The following DNAH3 variants were observed in gnomAD, a reference collection of about 807,000 sequenced individuals.
DNAH3 encodes the protein dynein axonemal heavy chain 3, also known as axonemal beta dynein heavy chain 3.
A neutral mutation model predicts 432.5 loss-of-function variants in DNAH3; 332 were observed. That is an observed-to-expected ratio of 0.77 (90% CI 0.70 to 0.84). The LOEUF is 0.84. Ranked by LOEUF, DNAH3 falls within the 40% of genes least tolerant of loss-of-function variation. DNAH3 has a pLI of 0.00. For synonymous variants in DNAH3, 1,956 were observed against 1,900.2 expected (o/e 1.03, Z -0.76); for missense variants, 4,861 against 5,114.0 (o/e 0.95, Z 1.51).
chr16:21,036,810 T>C, exon 35 of DNAH3: 1 of 1,611,954 alleles, frequency 6.2e-7, no homozygotes, highest in South Asian at 1.1e-5. Flanking sequence ...AGTCTGGCTT[T>C]GGAAGAACAA....
chr16:21,082,844 TA>T (rs68183018), intron 19 of DNAH3, among the ~76,000 whole-genome samples: 80,511 of 148,570 alleles, frequency 0.54, 21,574 homozygotes, highest in South Asian at 0.63. Context: ...AAAAAAAAAT[TA>T]ACACAAATGG....
At chr16:21,156,224 ATTATT>A (rs1555579947) in intron 1 of DNAH3, among the ~76,000 whole-genome samples, 20 of 142,304 alleles carry the variant, frequency 1.4e-4, no homozygotes, top group Admixed American at 2.8e-4. Context: ...ATTTTATTTT[ATTATT>A]TTATTTTATT....
At chr16:20,937,476 G>A (rs1322062654) in intron 59 of DNAH3, among the ~76,000 whole-genome samples, 1 of 150,894 alleles carries the variant, frequency 6.6e-6, no homozygotes, top group Non-Finnish European at 1.5e-5. Context: ...ATATTTCTAG[G>A]TCAAAGAGCA....
At chr16:21,026,631 G>A (rs1320780795) in intron 38 of DNAH3, among the ~76,000 whole-genome samples, 1 of 147,574 alleles carries the variant, frequency 6.8e-6, no homozygotes, top group Non-Finnish European at 1.5e-5. Context: ...AACCTGGGAG[G>A]CAGAGGTTGC....
intron 51 of DNAH3, among the ~76,000 whole-genome samples, chr16:20,970,882 T>G (rs1436492505): frequency 7.2e-6 from 1 of 138,972 alleles, no homozygotes; most frequent in Admixed American, 7.5e-5. Flanking sequence ...TTTTTTTTTT[T>G]GAGACAGAGT....
chr16:20,991,608 CCT>C (rs1298972883), intron 44 of DNAH3, among the ~76,000 whole-genome samples: 3 of 152,078 alleles, frequency 2.0e-5, no homozygotes, highest in Non-Finnish European at 4.4e-5. Flanking sequence ...TAGTTTTTTC[CCT>C]CCATTCCTTT....
At chr16:20,957,788 T>A (rs1211381433) in intron 54 of DNAH3, among the ~76,000 whole-genome samples, 1 of 72,890 alleles carries the variant, frequency 1.4e-5, no homozygotes, top group African/African-American at 5.2e-5. Context: ...GCCTGGGCAA[T>A]AAGAGCGAAA....
rs576713067 is a variant in DNAH3 at position 20,988,026 on chromosome 16, G to A, written c.6641C>T (p.Ala2214Val). The change falls in exon 45 of 62, where the codon GCC (alanine) becomes GTC (valine). Residue 2214 changes from alanine (A) to valine (V), a missense_variant. By Grantham distance (64) the Ala-to-Val change is moderately conservative. Coordinates refer to ENST00000261383, the Ensembl canonical transcript of DNAH3. ...CTTGGTTAAAATGTCATCCTCAAAG[G>A]CATTGATGGAAATGATATTCAGATG... 9 of 1,614,094 alleles carry A rather than the reference G, an allele frequency of 5.6e-6. No individual in the cohort carries two copies. The East Asian group carries it at 1.8e-4, about 32-fold the overall frequency.
At chr16:21,083,281 G>A (rs1379693532) in intron 19 of DNAH3, among the ~76,000 whole-genome samples, 2 of 152,172 alleles carry the variant, frequency 1.3e-5, no homozygotes, top group East Asian at 1.9e-4. Context: ...CTCCCAAAGT[G>A]TTGGGATTAC....
chr16:21,107,281 C>T (rs1248691932), intron 14 of DNAH3, among the ~76,000 whole-genome samples: 2 of 124,940 alleles, frequency 1.6e-5, no homozygotes, highest in Non-Finnish European at 3.2e-5. Context: ...CTTGCTCTGT[C>T]ACCCAGGCTG....
At chr16:20,933,368 A>C (rs763749692) in exon 62 of DNAH3, 1 of 1,614,214 alleles carries the variant, frequency 6.2e-7, no homozygotes, top group Admixed American at 1.7e-5. Context: ...AATGATGGGC[A>C]GTGGGTCATA....
At chr16:21,153,677 A>G (rs1368010109) in intron 1 of DNAH3, among the ~76,000 whole-genome samples, 1 of 152,120 alleles carries the variant, frequency 6.6e-6, no homozygotes, top group Non-Finnish European at 1.5e-5. Context: ...GCGAGACCAG[A>G]AACCCACCAG....
chr16:20,973,080 C>T (rs1178380526), intron 51 of DNAH3, among the ~76,000 whole-genome samples: 1 of 151,950 alleles, frequency 6.6e-6, no homozygotes, highest in Non-Finnish European at 1.5e-5. Context: ...TAATCAAGCC[C>T]TTGTTTGAAG....
chr16:21,040,157 T>A (rs1477783567), intron 32 of DNAH3, among the ~76,000 whole-genome samples: 1 of 151,976 alleles, frequency 6.6e-6, no homozygotes, highest in Non-Finnish European at 1.5e-5. Flanking sequence ...CCTATGCGGG[T>A]ACATGTTGTT....
chr16:21,042,730 T>G (rs951442344), intron 31 of DNAH3, among the ~76,000 whole-genome samples: 4 of 152,148 alleles, frequency 2.6e-5, no homozygotes, highest in Non-Finnish European at 5.9e-5. Flanking sequence ...ATTGTGCAGG[T>G]TACATATATA....
At chr16:21,133,322 C>T (rs1471495737) in intron 7 of DNAH3, among the ~76,000 whole-genome samples, 1 of 141,914 alleles carries the variant, frequency 7.0e-6, no homozygotes, top group African/African-American at 2.7e-5. Flanking sequence ...GAGATTATGC[C>T]ACTGCACTCC....
At chr16:21,059,091 C>CA (rs1407556716) in intron 26 of DNAH3, among the ~76,000 whole-genome samples, 8 of 152,136 alleles carry the variant, frequency 5.3e-5, no homozygotes, top group Non-Finnish European at 1.5e-5. Flanking sequence ...GCCACAAGGG[C>CA]AAAGCTACAG....
intron 20 of DNAH3, among the ~76,000 whole-genome samples, chr16:21,081,133 G>T (rs2091170344): frequency 6.6e-6 from 1 of 152,090 alleles, no homozygotes; most frequent in South Asian, 2.1e-4. Context: ...TGGCCAGGCT[G>T]GTCTTGAACT....
chr16:20,963,892 T>C (rs1231155128), exon 53 of DNAH3: 2 of 1,614,026 alleles, frequency 1.2e-6, no homozygotes, highest in Non-Finnish European at 1.7e-6. Flanking sequence ...GGTCAAGGAA[T>C]GCATGTAGAG....
Sources: allele counts gnomAD v4.1 joint callset (sites outside exome capture counted in the v4.1 genomes callset), GRCh38; gene constraint gnomAD v4.1.1; transcripts MANE v1.5; gene names NCBI Gene and HGNC (gene_info 2026-07-23, HGNC 2026-07-21).